MACF1: variants seen among roughly 807,000 people sequenced by gnomAD.
MACF1 encodes the protein microtubule-actin cross-linking factor 1.
A neutral mutation model predicts 854.8 loss-of-function variants in MACF1; 193 were observed. That is an observed-to-expected ratio of 0.23 (90% CI 0.20 to 0.25). The LOEUF is 0.25. MACF1 is among the 10% of genes least tolerant of loss of function. The probability of loss-of-function intolerance (pLI) is 1.00; values close to 1 mark genes in which losing one functional copy is unlikely to be tolerated. For synonymous variants in MACF1, 3,185 were observed against 3,226.7 expected, an observed-to-expected ratio of 0.99 and a Z score of 0.44; for missense variants, 7,722 against 8,929.1, an observed-to-expected ratio of 0.86 and a Z score of 5.45.
chr1:39,337,242 C>G lies in MACF1; in HGVS notation c.10126C>G (p.Leu3376Val). 1 of 1,614,116 alleles carries G rather than the reference C, an allele frequency of 6.2e-7. No homozygotes were observed. Among genetic ancestry groups the G allele is most frequent in the Non-Finnish European group, 8.5e-7 (1 of 1,179,986 alleles). The change falls in exon 38 of 101, where the codon CTG (leucine) becomes GTG (valine). Residue 3376 changes from leucine (L) to valine (V), a missense_variant. Transcript: ENST00000564288. Reference protein sequence around the residue: ...HDEKLVSYLSLLRNIEMRTKQ... With the variant: ...HDEKLVSYLSVLRNIEMRTKQ... Reference sequence around the variant, plus strand: ...TGAAAAGCTAGTATCCTATCTGTCTCTGTTACGGAACATTGAAATGAGGAC... The same window carrying G: ...TGAAAAGCTAGTATCCTATCTGTCTGTGTTACGGAACATTGAAATGAGGAC...
At chr1:39,276,602 G>A (rs1022446629) in intron 6 of MACF1, among the ~76,000 whole-genome samples, 3 of 152,054 alleles carry the variant, frequency 2.0e-5, no homozygotes, top group African/African-American at 7.2e-5. Flanking sequence ...CACCTGTTCT[G>A]TAACACCCTT....
intron 2 of MACF1, among the ~76,000 whole-genome samples, chr1:39,247,147 A>G (rs1027952335): frequency 7.4e-6 from 1 of 134,880 alleles, no homozygotes; most frequent in Non-Finnish European, 1.5e-5. Context: ...ATCTCGACTC[A>G]CTGCAAGCTC....
intron 73 of MACF1, 37 bp from the exon 74 acceptor site, chr1:39,441,187 A>T: frequency 1.2e-6 from 2 of 1,613,882 alleles, no homozygotes; most frequent in Non-Finnish European, 1.7e-6. Flanking sequence ...GAAGAGTGGT[A>T]TTGATTGAAG....
chr1:39,099,125 T>C (rs750681146), intron 2 of MACF1, among the ~76,000 whole-genome samples: 12 of 152,234 alleles, frequency 7.9e-5, no homozygotes, highest in Non-Finnish European at 1.2e-4. Flanking sequence ...AATATGTGCA[T>C]GTGTGCACAC....
intron 2 of MACF1, among the ~76,000 whole-genome samples, chr1:39,142,349 G>A (rs1035301253): frequency 6.6e-6 from 1 of 151,960 alleles, no homozygotes; most frequent in Admixed American, 6.6e-5. Context: ...ATTTGATGGG[G>A]GAGTCTCTCC....
At chr1:39,288,345 A>G (rs934999495) in intron 15 of MACF1, among the ~76,000 whole-genome samples, 1 of 152,036 alleles carries the variant, frequency 6.6e-6, no homozygotes, top group African/African-American at 2.4e-5. Flanking sequence ...AAAAATACAA[A>G]AAACTAGCCA....
intron 47 of MACF1, among the ~76,000 whole-genome samples, chr1:39,360,036 TATATATATATATATATACAC>T (rs1201325796): frequency 1.4e-4 from 12 of 85,984 alleles, no homozygotes; most frequent in East Asian, 1.4e-3. Flanking sequence ...TATATATATA[TATATATATATATATATACAC>T]ACACACACAC....
intron 2 of MACF1, among the ~76,000 whole-genome samples, chr1:39,172,538 C>G (rs1643965994): frequency 6.6e-6 from 1 of 152,148 alleles, no homozygotes; most frequent in Non-Finnish European, 1.5e-5. Flanking sequence ...CTTATTACCT[C>G]ATGGTTTAAC....
chr1:39,221,181 C>T (rs765484058), intron 1 of MACF1, among the ~76,000 whole-genome samples: 5 of 152,088 alleles, frequency 3.3e-5, no homozygotes, highest in Non-Finnish European at 7.4e-5. Flanking sequence ...TTCTTCAGGT[C>T]AGAGACCAGT....
rs762690446 is a variant in MACF1, at chr1:39,295,902, T to TTG, written c.2355+32_2355+33dup. On this transcript the variant is annotated intron_variant, in intron 20 of 100. Transcript: ENST00000564288. ...TTTCAGGTGTGATGGATTTCTGTGTTTGTGTGTGTGTGTACATATGTATGT... is the reference window on the plus strand; with the variant it reads ...TTTCAGGTGTGATGGATTTCTGTGTTTGTGTGTGTGTGTGTACATATGTATGT... 6.9e-6 allele frequency: 11 copies of TTG among 1,600,496 alleles called. No homozygotes were observed. The highest frequency in any genetic ancestry group is 4.0e-5 in the African/African-American group (3 of 74,566).
chr1:39,452,599 C>T, intron 86 of MACF1, 85 bp from the exon 87 acceptor site: 1 of 1,557,330 alleles, frequency 6.4e-7, no homozygotes, highest in Non-Finnish European at 8.8e-7. Flanking sequence ...TCTGAATGAA[C>T]ACTGGACCCT....
chr1:39,472,429 C>T (rs185604382), intron 97 of MACF1, among the ~76,000 whole-genome samples: 246 of 152,320 alleles, frequency 1.6e-3, no homozygotes, highest in Non-Finnish European at 2.7e-3. Flanking sequence ...GTCGCCTCCT[C>T]CCATCCCAGC....
intron 2 of MACF1, among the ~76,000 whole-genome samples, chr1:39,173,455 A>C (rs567466879): frequency 1.3e-5 from 2 of 152,344 alleles, no homozygotes; most frequent in East Asian, 3.9e-4. Context: ...CAGAGAGGCT[A>C]GTGAGAGAGT....
At chr1:39,122,711 G>T (rs1232262035) in intron 2 of MACF1, among the ~76,000 whole-genome samples, 2 of 152,184 alleles carry the variant, frequency 1.3e-5, no homozygotes, top group Non-Finnish European at 2.9e-5. Context: ...AGCTGAGAGT[G>T]GGGGTGGGGA....
In MACF1 at chr1:39,227,409, A is replaced by G. The variant is rs139443370; in HGVS notation, c.110-3773A>G. ...TGTGGGAAATACAAAAAAGTAAATC[A>G]TGTTCTCTTCAAGGAGTTAATGATC... On this transcript the variant is annotated intron_variant, in intron 1 of 100. Transcript: ENST00000564288. Among the ~76,000 whole-genome samples the G allele has an allele frequency of 1.2e-3, 186 of 152,354 alleles. 1 individual carries two copies. The highest frequency in any genetic ancestry group is 4.4e-3 in the African/African-American group (184 of 41,588).
chr1:39,300,227 T>C lies in MACF1; in HGVS notation c.2499T>C (p.Leu833=). Residue 833 remains leucine, a synonymous_variant, in exon 22 of 101, where the codon CTT becomes CTC. Coordinates refer to ENST00000564288, the MANE Select transcript of MACF1 (RefSeq NM_001394062.1). ...TTTTGTAGGATGAAAAGGAGCAGCT[T>C]ATACAGTCCAAGAGTTCCGTTGCCA... ...LQDSMDEKEQ[L]IQSKSSVASL... 1 of 1,613,978 alleles carries C rather than the reference T, an allele frequency of 6.2e-7. No homozygotes were observed. The highest frequency in any genetic ancestry group is 1.1e-5 in the South Asian group (1 of 91,058).
chr1:39,443,294 T>C (rs1644156672), intron 78 of MACF1, 152 bp from the exon 79 acceptor site: 3 of 688,114 alleles, frequency 4.4e-6, no homozygotes, highest in Non-Finnish European at 7.2e-6. Context: ...AGCAATAATA[T>C]TGGCCCCATG....
At chr1:39,361,079 CAA>C (rs1648148653) in intron 48 of MACF1, 78 bp downstream of exon 48, 3 of 1,194,908 alleles carry the variant, frequency 2.5e-6, no homozygotes, top group East Asian at 4.7e-5. Flanking sequence ...GAAAAAGTAA[CAA>C]GAGGGAACCT....
chr1:39,451,164 G>T lies in MACF1; in HGVS notation c.20371G>T (p.Val6791Leu). ...VEPQLAEDQP[V>L]HGDLDLVMNL... is the part of the protein sequence containing the mutation. The stretch of plus-strand genomic sequence containing the variant: ...GCCACAGCTGGCTGAGGACCAGCCC[G>T]TGCACGGGGACCTTGACCTCGTCAT... Residue 6791 changes from valine to leucine, a missense_variant, in exon 85 of 101, where the codon GTG becomes TTG. Coordinates refer to ENST00000564288, the MANE Select transcript of MACF1 (RefSeq NM_001394062.1). 1 of 1,614,136 alleles carries T rather than the reference G, an allele frequency of 6.2e-7. No homozygotes were observed. The highest frequency in any genetic ancestry group is 1.3e-5 in the African/African-American group (1 of 75,042).
Sources: allele counts gnomAD v4.1 joint callset (sites outside exome capture counted in the v4.1 genomes callset), GRCh38; gene constraint gnomAD v4.1.1; transcripts MANE v1.5; gene names NCBI Gene and HGNC (gene_info 2026-07-23, HGNC 2026-07-21).